The following SNU13 variants were observed in gnomAD, a reference collection of about 807,000 sequenced individuals.
The protein encoded by SNU13 is NHP2-like protein 1.
In SNU13, 2 loss-of-function variants were observed where a neutral mutation model predicts 12.4. The ratio of observed to expected loss-of-function variants is 0.16; its 90% CI spans 0.07 to 0.51. The LOEUF is 0.51. SNU13 is among the 20% of genes least tolerant of loss of function. SNU13 has a pLI of 0.96. For missense variants in SNU13, 66 were observed against 157.8 expected, an observed-to-expected ratio of 0.42 and a Z score of 3.12; for synonymous variants, 68 against 66.5, an observed-to-expected ratio of 1.02 and a Z score of -0.11.
intron 1 of SNU13, among the ~76,000 whole-genome samples, chr22:41,687,123 A>G (rs554906578): frequency 1.0e-4 from 15 of 146,872 alleles, no homozygotes; most frequent in Admixed American, 9.7e-4. Context: ...CGCCTGGCTA[A>G]TTTTTTTGAA....
intron 1 of SNU13, chr22:41,682,438 C>G: frequency 6.2e-7 from 1 of 1,610,422 alleles, no homozygotes; most frequent in Non-Finnish European, 8.5e-7. Flanking sequence ...TGCCCAGCAC[C>G]GCAAGGACAC....
chr22:41,682,575 G>T (rs1332475409), intron 1 of SNU13: 1 of 1,448,906 alleles, frequency 6.9e-7, no homozygotes, highest in African/African-American at 1.4e-5. Flanking sequence ...AATTTGTCTT[G>T]GTCCCAGGAC....
rs536505710 is a variant in SNU13, at chr22:41,686,673, C to T, written c.3+2121G>A. On this transcript the variant is annotated intron_variant, in intron 1 of 2. Transcript: ENST00000401959. ...ACACAGTCTTGCTTTGTCACCCAGGCTGTAGTGCAGTGGCATGATCTCGGC... is the reference window on the plus strand; with the variant it reads ...ACACAGTCTTGCTTTGTCACCCAGGTTGTAGTGCAGTGGCATGATCTCGGC... Among the ~76,000 whole-genome samples, 5 of 151,934 alleles carry T rather than the reference C, an allele frequency of 3.3e-5. No individual in the cohort carries two copies. The South Asian group carries it at 8.3e-4, about 25-fold the overall frequency.
intron 2 of SNU13, among the ~76,000 whole-genome samples, chr22:41,675,471 GA>G: frequency 6.6e-6 from 1 of 151,854 alleles, no homozygotes. Context: ...CACACAGCTG[GA>G]GTGCAGTGGT....
chr22:41,680,423 C>A, intron 1 of SNU13, 59 bp from the exon 2 acceptor site: 1 of 1,564,972 alleles, frequency 6.4e-7, no homozygotes, highest in South Asian at 1.2e-5. Flanking sequence ...CTACCTGAGT[C>A]ACAAAATACT....
upstream of SNU13, chr22:41,688,882 A>G: frequency 6.7e-7 from 1 of 1,503,104 alleles, no homozygotes. Context: ...AACTCACAGA[A>G]GCAGCAGCGG....
chr22:41,687,714 G>A (rs1053465111), intron 1 of SNU13: 1 of 152,188 alleles, frequency 6.6e-6, no homozygotes, highest in Non-Finnish European at 1.5e-5. Flanking sequence ...CAAATACTGC[G>A]TGCTTACTCT....
upstream of SNU13, chr22:41,689,188 C>G: frequency 1.4e-6 from 1 of 723,520 alleles, no homozygotes; most frequent in Non-Finnish European, 1.7e-6. Context: ...ATGGCGAAAC[C>G]TCGTCCCTAC....
chr22:41,684,046 G>C (rs902147952), intron 1 of SNU13, among the ~76,000 whole-genome samples: 1 of 152,148 alleles, frequency 6.6e-6, no homozygotes. Context: ...TGGGATTACA[G>C]GTGCGCGTCA....
At chr22:41,688,018 T>C (rs945098114) in intron 1 of SNU13, 4 of 152,174 alleles carry the variant, frequency 2.6e-5, no homozygotes, top group Admixed American at 2.6e-4. Context: ...GAAGTTACAG[T>C]GCTTTACAAA....
At position 41,674,862 on chromosome 22, in the gene SNU13, C is replaced by G. The variant is rs958297254; in HGVS notation, c.*71G>C. ...AGAGAGTAGCTGAAAATACTACATG[C>G]TAACACAGATAATATGATACACAAC... On this transcript the variant is annotated 3_prime_UTR_variant, in exon 3 of 3. Transcript: ENST00000401959. 1.3e-6 allele frequency: 2 copies of G among 1,559,286 alleles called. No individual in the cohort carries two copies. Among genetic ancestry groups the G allele is most frequent in the Admixed American group, 3.6e-5 (2 of 55,416 alleles).
chr22:41,682,339 C>G, intron 1 of SNU13: 1 of 1,610,828 alleles, frequency 6.2e-7, no homozygotes, highest in Non-Finnish European at 8.5e-7. Flanking sequence ...AGATAATGGC[C>G]CAGTAGGAAC....
chr22:41,687,805 T>C (rs1463992692), intron 1 of SNU13: 1 of 152,204 alleles, frequency 6.6e-6, no homozygotes, highest in African/African-American at 2.4e-5. Context: ...GTCATCCCCA[T>C]TTTACAGTTG....
intron 2 of SNU13, among the ~76,000 whole-genome samples, chr22:41,679,417 G>A (rs1436823189): frequency 2.0e-5 from 3 of 152,048 alleles, no homozygotes; most frequent in Admixed American, 6.6e-5. Context: ...TTAGCTGGAC[G>A]TGGTGGTGCA....
At chr22:41,683,771 C>G (rs1184876803) in intron 1 of SNU13, among the ~76,000 whole-genome samples, 5 of 152,158 alleles carry the variant, frequency 3.3e-5, no homozygotes, top group Non-Finnish European at 7.3e-5. Flanking sequence ...ATGACAGTGA[C>G]TAATTCCCCA....
Position 41,680,231 on chromosome 22 carries a change from G to T in SNU13, c.124+13C>A. The T allele has an allele frequency of 6.2e-7, 1 of 1,608,378 alleles. No individual in the cohort carries two copies. Among genetic ancestry groups the T allele is most frequent in the South Asian group, 1.1e-5 (1 of 90,668 alleles). Reference sequence around the variant, plus strand: ...CTTTAACATTCCCCCAGAGCATCCTGTGGCTGCCTTACCCTCATTGGCTCC... The same window carrying T: ...CTTTAACATTCCCCCAGAGCATCCTTTGGCTGCCTTACCCTCATTGGCTCC... On this transcript the variant is annotated intron_variant, in intron 2 of 2. Coordinates refer to ENST00000401959, the MANE Select transcript of SNU13 (RefSeq NM_001003796.2).
chr22:41,688,683 A>T, intron 1 of SNU13, 111 bp downstream of exon 1: 1 of 1,442,696 alleles, frequency 6.9e-7, no homozygotes, highest in Non-Finnish European at 9.4e-7. Flanking sequence ...TTAAGACCCA[A>T]CGCCGGCGGA....
At chr22:41,681,587 T>C (rs1375523466) in intron 1 of SNU13, 1 of 152,236 alleles carries the variant, frequency 6.6e-6, no homozygotes, top group Non-Finnish European at 1.5e-5. Context: ...AATGGTACAG[T>C]TAAATATCAC....
At chr22:41,679,561 A>T (rs765309986) in intron 2 of SNU13, 8 of 151,928 alleles carry the variant, frequency 5.3e-5, no homozygotes, top group Non-Finnish European at 1.2e-4. Flanking sequence ...TCCAAATAAA[A>T]AAATAAATAA....
Sources: gnomAD v4.1 joint callset for allele counts (sites outside exome capture counted in the v4.1 genomes callset) on GRCh38, gnomAD v4.1.1 for gene constraint, MANE v1.5 for transcripts, NCBI Gene and HGNC (gene_info 2026-07-23, HGNC 2026-07-21) for gene names.